The following PCDHGB5 variants were observed in gnomAD, a reference collection of about 807,000 sequenced individuals.
PCDHGB5 encodes the protein protocadherin gamma-B5.
PCDHGB5 carries 48 observed loss-of-function variants against 62.9 expected under a neutral mutation model. The ratio of observed to expected loss-of-function variants is 0.76; its 90% confidence interval spans 0.61 to 0.97. PCDHGB5 has a LOEUF of 0.97. Among genes scored for constraint, PCDHGB5 ranks in the 50% least tolerant of loss-of-function variants. The pLI is 0.00. For synonymous variants in PCDHGB5, 474 were observed against 511.2 expected (o/e 0.93, Z 0.98); for missense variants, 1,118 against 1,198.6 (o/e 0.93, Z 0.99).
rs2096301395 is a variant in PCDHGB5, at chr5:141,418,913, C to A, written c.2397+18389C>A. On this transcript the variant is annotated intron_variant, in intron 1 of 3. Coordinates refer to ENST00000617380, the MANE Select transcript of PCDHGB5 (RefSeq NM_018925.3). ...CAGCCCAGAAATAATCATCACGTCA[C>A]TCTCTGATCAGATTATGGAGGATTC... The A allele has an allele frequency of 2.5e-6, 4 of 1,613,946 alleles. No homozygotes were observed. The highest frequency in any genetic ancestry group is 3.4e-6 in the Non-Finnish European group (4 of 1,179,822).
In PCDHGB5 at chr5:141,493,511, T is replaced by G. The variant is rs1203329648; in HGVS notation, c.2398-1296T>G. Among the ~76,000 whole-genome samples the G allele has an allele frequency of 6.6e-6, 1 of 152,094 alleles. No individual in the cohort carries two copies. Reference sequence around the variant, plus strand: ...TCTGTGGCTCCTCATTTCTGAGCAGTCCCCGCAGCGCAAACTTGGCCAGTT... The same window carrying G: ...TCTGTGGCTCCTCATTTCTGAGCAGGCCCCGCAGCGCAAACTTGGCCAGTT... On this transcript the variant is annotated intron_variant, in intron 1 of 3. Coordinates refer to ENST00000617380, the MANE Select transcript of PCDHGB5 (RefSeq NM_018925.3). This position sits in a 1 kb window ranked among gnomAD's most constrained non-coding sequence, Gnocchi z 4.3.
At chr5:141,484,880 T>G (rs1258072805) in intron 1 of PCDHGB5, 3 of 336,846 alleles carry the variant, frequency 8.9e-6, no homozygotes, top group Admixed American at 9.2e-5. Flanking sequence ...GAGGATAGGG[T>G]GGGCTTTTTC....
chr5:141,426,369 A>G, intron 1 of PCDHGB5: 1 of 205,906 alleles, frequency 4.9e-6, no homozygotes, highest in Non-Finnish European at 1.0e-5. Context: ...TCTGCGGGGC[A>G]CCCTCGGAGC....
chr5:141,501,693 G>T (rs1417828433), intron 2 of PCDHGB5, among the ~76,000 whole-genome samples: 1 of 152,028 alleles, frequency 6.6e-6, no homozygotes, highest in Non-Finnish European at 1.5e-5. Context: ...TATCTGCAGG[G>T]TGATTCCGAG....
chr5:141,445,416 T>C lies in PCDHGB5; in HGVS notation c.2397+44892T>C, dbSNP rs190826518. ...TAACAAATATTTATTAACTGTCTGC[T>C]ATATGCAAGGCACTGACCTATGGAC... On this transcript the variant is annotated intron_variant, in intron 1 of 3. Coordinates refer to ENST00000617380, the MANE Select transcript of PCDHGB5 (RefSeq NM_018925.3). 2.2e-3 allele frequency among the ~76,000 whole-genome samples: 336 copies of C among 152,342 alleles called. 1 individual carries two copies. The highest frequency in any genetic ancestry group is 0.01 in the Middle Eastern group (3 of 294).
At position 141,499,027 on chromosome 5, in the gene PCDHGB5, A is replaced by AG. The variant is rs1323149397; in HGVS notation, c.2456+4163dup. 7.4e-3 allele frequency among the ~76,000 whole-genome samples: 1,116 copies of AG among 149,928 alleles called. 12 individuals are homozygous for AG. Among genetic ancestry groups the AG allele is most frequent in the African/African-American group, 0.026 (1,074 of 40,604 alleles). On this transcript the variant is annotated intron_variant, in intron 2 of 3. Transcript: ENST00000617380. ...AAGGAAGGAAGGAAGGAAGGAAGGA[A>AG]GAAAAGAAAGAAAAAGGGAGAAAAA...
chr5:141,502,402 A>T (rs1317862793), intron 2 of PCDHGB5, among the ~76,000 whole-genome samples: 1 of 151,976 alleles, frequency 6.6e-6, no homozygotes, highest in Admixed American at 6.6e-5. Flanking sequence ...AATGTCCCCG[A>T]ACCTGGATTT....
chr5:141,482,530 CAAAAA>C (rs3074545), intron 1 of PCDHGB5, among the ~76,000 whole-genome samples: 1 of 76,558 alleles, frequency 1.3e-5, no homozygotes, highest in African/African-American at 4.8e-5. Context: ...GACAGACATG[CAAAAA>C]AAAAAAAAAA....
chr5:141,440,103 A>G (rs1391819927), intron 1 of PCDHGB5: 1 of 152,222 alleles, frequency 6.6e-6, no homozygotes, highest in Non-Finnish European at 1.5e-5. Flanking sequence ...GAAAGTGGAG[A>G]CTTACTTGTG....
In PCDHGB5 at chr5:141,485,423, C is replaced by A; in HGVS notation, c.2398-9384C>A. On this transcript the variant is annotated intron_variant, in intron 1 of 3. Transcript: ENST00000617380. This position sits in a 1 kb window ranked among gnomAD's most constrained non-coding sequence, Gnocchi z 5.7. Reference sequence around the variant, plus strand: ...CCGTGTGGATTTGGACAGCGGAGCCCTGCTCATCAAGAACCCAATCGACCG... The same window carrying A: ...CCGTGTGGATTTGGACAGCGGAGCCATGCTCATCAAGAACCCAATCGACCG... 1 of 1,614,204 alleles carries A rather than the reference C, an allele frequency of 6.2e-7. No homozygotes were observed. The highest frequency in any genetic ancestry group is 8.5e-7 in the Non-Finnish European group (1 of 1,180,036).
intron 1 of PCDHGB5, chr5:141,415,014 C>T (rs747951360): frequency 1.2e-6 from 2 of 1,613,620 alleles, no homozygotes; most frequent in Non-Finnish European, 1.7e-6. Context: ...ACCGTCTGCT[C>T]AAGGCCAGCG....
chr5:141,497,693 C>T (rs2099778709), intron 2 of PCDHGB5, among the ~76,000 whole-genome samples: 2 of 152,136 alleles, frequency 1.3e-5, no homozygotes, highest in Admixed American at 6.5e-5. Context: ...GTGTGCACCA[C>T]CACACCCAGC....
chr5:141,507,851 C>T (rs570052933), intron 3 of PCDHGB5, among the ~76,000 whole-genome samples: 48 of 152,322 alleles, frequency 3.2e-4, no homozygotes, highest in African/African-American at 1.1e-3. Context: ...CCTGCTCTCA[C>T]TTTCACACCC....
At chr5:141,475,829 G>A (rs1408248560) in intron 1 of PCDHGB5, 5 of 386,748 alleles carry the variant, frequency 1.3e-5, no homozygotes, top group Non-Finnish European at 2.3e-5. Flanking sequence ...GCGCTAGCGC[G>A]TGTCCTGCTC....
In PCDHGB5 at chr5:141,431,248, G is replaced by C. The variant is rs1213088915; in HGVS notation, c.2397+30724G>C. On this transcript the variant is annotated intron_variant, in intron 1 of 3. Coordinates refer to ENST00000617380, the MANE Select transcript of PCDHGB5 (RefSeq NM_018925.3). This position sits in a 1 kb window ranked among gnomAD's most constrained non-coding sequence, Gnocchi z 4.8. ...CCCACGCCTGGGATCCGGATATCGG[G>C]AAGAACTCTCTGCAGAGCTACGAGC... is the stretch of plus-strand genomic sequence containing the variant. 5 of 1,614,022 alleles carry C rather than the reference G, an allele frequency of 3.1e-6. No homozygotes were observed. Among genetic ancestry groups the C allele is most frequent in the Non-Finnish European group, 4.2e-6 (5 of 1,180,056 alleles).
Position 141,415,142 on chromosome 5 carries a change from C to A in PCDHGB5, c.2397+14618C>A, listed in dbSNP as rs757516335. On this transcript the variant is annotated intron_variant, in intron 1 of 3. Coordinates refer to ENST00000617380, the MANE Select transcript of PCDHGB5 (RefSeq NM_018925.3). The stretch of plus-strand genomic sequence containing the variant: ...GTGGCCGTCCAGGACCACGGCCAGC[C>A]CCCTCTCTCCGCCACTGTCACGCTC... 10 of 1,613,732 alleles carry A rather than the reference C, an allele frequency of 6.2e-6. 1 individual carries two copies. In the South Asian group the frequency reaches 1.1e-4, roughly 18 times the overall value.
chr5:141,478,142 G>T (rs774271595), intron 1 of PCDHGB5: 8 of 1,613,988 alleles, frequency 5.0e-6, no homozygotes, highest in Non-Finnish European at 6.8e-6. Flanking sequence ...AGCCCGAGCC[G>T]AGTTCCCCTC....
Position 141,418,146 on chromosome 5 carries a change from G to A in PCDHGB5, c.2397+17622G>A, listed in dbSNP as rs755513829. The A allele has an allele frequency of 1.1e-5, 18 of 1,613,970 alleles. No homozygotes were observed. In the South Asian group the frequency reaches 1.6e-4, roughly 15 times the overall value. ...GACCGAATAGACCGTGAGCAAATAT[G>A]CAAAGAGAGAAGAAGATGTGAGTTG... is the stretch of plus-strand genomic sequence containing the variant. On this transcript the variant is annotated intron_variant, in intron 1 of 3. Transcript: ENST00000617380.
chr5:141,500,269 C>T (rs977958449), intron 2 of PCDHGB5, among the ~76,000 whole-genome samples: 1 of 151,504 alleles, frequency 6.6e-6, no homozygotes, highest in African/African-American at 2.4e-5. Context: ...ACTGCAGTGG[C>T]GCAATCTCGG....
Sources: allele counts gnomAD v4.1 joint callset (sites outside exome capture counted in the v4.1 genomes callset), GRCh38; gene constraint gnomAD v4.1.1; non-coding constraint Gnocchi (gnomAD v3.1); transcripts MANE v1.5; gene names NCBI Gene and HGNC (gene_info 2026-07-23, HGNC 2026-07-21).